Variants in ADA observed in about 807,000 individuals in gnomAD.
The protein encoded by ADA is adenosine aminohydrolase.
Under a neutral mutation model 49.0 loss-of-function variants are expected in ADA, and 45 were observed. The observed-to-expected ratio is 0.92, with a 90% CI of 0.72 to 1.18. The LOEUF (loss-of-function observed/expected upper bound fraction) is 1.18. ADA is among the 50% of genes most tolerant of loss of function. The probability of loss-of-function intolerance (pLI) is 0.00; values close to 1 mark genes in which losing one functional copy is unlikely to be tolerated. For missense variants in ADA, 445 were observed against 472.5 expected, an observed-to-expected ratio of 0.94 and a Z score of 0.54; for synonymous variants, 173 against 184.2, an observed-to-expected ratio of 0.94 and a Z score of 0.49.
rs1030454992 is a variant in ADA, at chr20:44,651,633, C to T, written c.-26G>A. 1.3e-5 allele frequency: 19 copies of T among 1,508,534 alleles called. No homozygotes were observed. Among genetic ancestry groups the T allele is most frequent in the Non-Finnish European group, 1.6e-5 (18 of 1,136,048 alleles). 93.4% of individuals were successfully genotyped at this position (1,508,534 alleles called of 1,614,324 possible). On this transcript the variant is annotated 5_prime_UTR_variant, in exon 1 of 12. Coordinates refer to ENST00000372874, the MANE Select transcript of ADA (RefSeq NM_000022.4). Reference sequence around the variant, plus strand: ...GGTGCCCTCGTGCGCCCCGGCGCTGCTCCCTCCGCCGCCGCTCGGTGGGTC... The same window carrying T: ...GGTGCCCTCGTGCGCCCCGGCGCTGTTCCCTCCGCCGCCGCTCGGTGGGTC...
At chr20:44,645,252 G>C (rs1334540818) in intron 1 of ADA, among the ~76,000 whole-genome samples, 1 of 151,870 alleles carries the variant, frequency 6.6e-6, no homozygotes, top group African/African-American at 2.4e-5. Context: ...CAGCTACTTG[G>C]GAGGCTGAGG....
intron 5 of ADA, among the ~76,000 whole-genome samples, chr20:44,624,889 T>C (rs573579539): frequency 9.2e-5 from 14 of 152,382 alleles, no homozygotes; most frequent in Middle Eastern, 3.4e-3. Context: ...TGCAAGAGGC[T>C]GCACCTCACT....
intron 2 of ADA, among the ~76,000 whole-genome samples, chr20:44,634,805 C>T (rs994590541): frequency 6.6e-6 from 1 of 152,242 alleles, no homozygotes; most frequent in African/African-American, 2.4e-5. Flanking sequence ...CCCGGGATCC[C>T]TCATTCTCTC....
Position 44,651,523 on chromosome 20 carries a change from C to T in ADA, c.33+52G>A, listed in dbSNP as rs1185895264. The T allele has an allele frequency of 5.3e-6, 8 of 1,514,652 alleles. No individual in the cohort carries two copies. In the African/African-American group the frequency reaches 5.6e-5, roughly 11 times the overall value. 93.8% of individuals were successfully genotyped at this position (1,514,652 alleles called of 1,614,324 possible). ...CCGGGCTGGGCCCCGCTAAGCCCCT[C>T]GGGCCGCCCAGGCGCCGGACCCCCG... On this transcript the variant is annotated intron_variant, in intron 1 of 11. Coordinates refer to ENST00000372874, the MANE Select transcript of ADA (RefSeq NM_000022.4).
chr20:44,634,424 G>A (rs1600934057), intron 2 of ADA, among the ~76,000 whole-genome samples: 1 of 152,232 alleles, frequency 6.6e-6, no homozygotes, highest in Admixed American at 6.5e-5. Flanking sequence ...AACTGACAGG[G>A]GGTAATGGCC....
chr20:44,629,307 C>T, intron 2 of ADA, 138 bp from the exon 3 acceptor site: 2 of 1,282,588 alleles, frequency 1.6e-6, no homozygotes, highest in Non-Finnish European at 2.2e-6. Context: ...CTCAGTCCAG[C>T]TGCTCCCACT....
At position 44,624,037 on chromosome 20, in the gene ADA, C is replaced by T. The variant is rs551337536; in HGVS notation, c.606+165G>A. ...CTGGGATCACAGGCATGAACCACCA[C>T]GCCTGGCCCAGGGGGATTCCAGTTC... On this transcript the variant is annotated intron_variant, in intron 6 of 11. Transcript: ENST00000372874. 192 of 993,588 alleles carry T rather than the reference C, an allele frequency of 1.9e-4. 3 individuals carry two copies. In the South Asian group the frequency reaches 1.9e-3, roughly 10 times the overall value. The allele number at this position is 993,588 out of a possible 1,614,324, so 61.5% of individuals were successfully genotyped here.
At chr20:44,635,472 G>A (rs1600935468) in intron 2 of ADA, among the ~76,000 whole-genome samples, 4 of 152,160 alleles carry the variant, frequency 2.6e-5, no homozygotes, top group African/African-American at 4.8e-5. Flanking sequence ...TGCAGAGAGC[G>A]TATCCTCCTC....
At chr20:44,621,804 A>G (rs1347142962) in intron 9 of ADA, among the ~76,000 whole-genome samples, 2 of 151,992 alleles carry the variant, frequency 1.3e-5, no homozygotes, top group African/African-American at 4.8e-5. Context: ...TCCTGGGGCC[A>G]CTGCTTCTCC....
At chr20:44,624,457 A>G (rs553651072) in intron 5 of ADA, 128 bp from the exon 6 acceptor site, 2 of 1,268,762 alleles carry the variant, frequency 1.6e-6, no homozygotes, top group Non-Finnish European at 2.3e-6. Flanking sequence ...GTGTCTTCAA[A>G]TCCTAACTGC....
rs1316605272 is a variant in ADA, at chr20:44,626,532, C to T, written c.286G>A (p.Val96Met). Reference sequence around the variant, plus strand: ...GGACTGTACCGCACCTCCACATACACCACGCCCTCTTTGGCCTTCATCTCT... The same window carrying T: ...GGACTGTACCGCACCTCCACATACATCACGCCCTCTTTGGCCTTCATCTCT... ...FVEMKAKEGV[V>M]YVEVRYSPHL... The change falls in exon 4 of 12, where the codon GTG (valine) becomes ATG (methionine). Residue 96 changes from valine (V) to methionine (M), a missense_variant. By Grantham distance (21) the Val-to-Met change is conservative. Coordinates refer to ENST00000372874, the MANE Select transcript of ADA (RefSeq NM_000022.4). 2 of 1,614,086 alleles carry T rather than the reference C, an allele frequency of 1.2e-6. No homozygotes were observed. The highest frequency in any genetic ancestry group is 1.3e-5 in the African/African-American group (1 of 74,938).
At chr20:44,643,716 C>G (rs569249948) in intron 1 of ADA, among the ~76,000 whole-genome samples, 1 of 152,216 alleles carries the variant, frequency 6.6e-6, no homozygotes, top group Non-Finnish European at 1.5e-5. Context: ...GGGAATCTCA[C>G]GCCCCTTCCC....
chr20:44,638,707 G>A (rs2065503631), intron 1 of ADA, among the ~76,000 whole-genome samples: 1 of 152,194 alleles, frequency 6.6e-6, no homozygotes, highest in East Asian at 1.9e-4. Context: ...GAGTGGGAGA[G>A]GCATTAAGCA....
chr20:44,639,351 G>A (rs2065510194), intron 1 of ADA, among the ~76,000 whole-genome samples: 1 of 152,114 alleles, frequency 6.6e-6, no homozygotes. Context: ...CTCCAGGAGG[G>A]AGGATGCGGG....
intron 7 of ADA, 31 bp from the exon 8 acceptor site, chr20:44,622,961 G>GGAGGAGGCAGT (rs775691787): frequency 6.2e-7 from 1 of 1,614,226 alleles, no homozygotes; most frequent in East Asian, 2.2e-5. Context: ...GCCAAGTATG[G>GGAGGAGGCAGT]GAGGAGGCAG....
intron 1 of ADA, among the ~76,000 whole-genome samples, chr20:44,646,061 C>T (rs2065588845): frequency 6.6e-6 from 1 of 152,180 alleles, no homozygotes; most frequent in Admixed American, 6.5e-5. Flanking sequence ...CATGGTCCTA[C>T]TACCTTGCCC....
intron 3 of ADA, 111 bp downstream of exon 3, chr20:44,628,936 C>T: frequency 1.3e-6 from 2 of 1,523,202 alleles, no homozygotes; most frequent in Non-Finnish European, 9.1e-7. Context: ...GTGAGAAAGA[C>T]AGCTGTGGTT....
At chr20:44,640,438 C>T (rs1028276087) in intron 1 of ADA, among the ~76,000 whole-genome samples, 6 of 145,834 alleles carry the variant, frequency 4.1e-5, no homozygotes, top group Non-Finnish European at 7.5e-5. Context: ...TAACTTATGG[C>T]GGGTGGATCA....
chr20:44,625,481 G>T, intron 5 of ADA, 88 bp downstream of exon 5: 1 of 1,194,512 alleles, frequency 8.4e-7, no homozygotes, highest in Non-Finnish European at 1.2e-6. Context: ...GGGGCACAGG[G>T]GAGATCAGGT....
Sources: allele counts gnomAD v4.1 joint callset (sites outside exome capture counted in the v4.1 genomes callset), GRCh38; gene constraint gnomAD v4.1.1; transcripts MANE v1.5; gene names NCBI Gene and HGNC (gene_info 2026-07-23, HGNC 2026-07-21).